Variants in GALNT14 observed in about 807,000 individuals in gnomAD.
GALNT14 encodes UDP-GalNAc:polypeptide N-acetylgalactosaminyltransferase 14.
Under a neutral mutation model 77.5 loss-of-function variants are expected in GALNT14, and 60 were observed. The observed-to-expected ratio is 0.77, with a 90% CI of 0.63 to 0.96. The LOEUF is 0.96. Ranked by LOEUF, GALNT14 falls within the 40% of genes least tolerant of loss-of-function variation. The pLI, the probability that GALNT14 is intolerant of heterozygous loss-of-function variation, is 0.00. For synonymous variants in GALNT14, 280 were observed against 281.7 expected, an observed-to-expected ratio of 0.99 and a Z score of 0.06; for missense variants, 710 against 731.0, an observed-to-expected ratio of 0.97 and a Z score of 0.33.
chr2:31,119,040 C>T (rs1269023057), intron 1 of GALNT14, among the ~76,000 whole-genome samples: 1 of 151,872 alleles, frequency 6.6e-6, no homozygotes, highest in Non-Finnish European at 1.5e-5. Context: ...ACAGTTGAAT[C>T]CCTACCTCAA....
intron 1 of GALNT14, among the ~76,000 whole-genome samples, chr2:31,029,452 T>A (rs1181454263): frequency 1.3e-5 from 2 of 152,200 alleles, no homozygotes; most frequent in Admixed American, 6.5e-5. Context: ...CAATCTCACA[T>A]GAAGACTGAC....
At chr2:31,072,881 A>G (rs1400266459) in intron 1 of GALNT14, among the ~76,000 whole-genome samples, 2 of 152,102 alleles carry the variant, frequency 1.3e-5, no homozygotes, top group South Asian at 2.1e-4. Flanking sequence ...TGAGCCCTGC[A>G]TTTTTTACAC....
chr2:31,069,258 A>G (rs1675191738), intron 1 of GALNT14, among the ~76,000 whole-genome samples: 1 of 152,224 alleles, frequency 6.6e-6, no homozygotes, highest in Non-Finnish European at 1.5e-5. Flanking sequence ...TCTCAGGAAC[A>G]GCATTAAACA....
intron 11 of GALNT14, 139 bp downstream of exon 11, chr2:30,929,256 A>T (rs1433571609): frequency 1.1e-5 from 7 of 614,788 alleles, no homozygotes; most frequent in Non-Finnish European, 2.0e-5. Context: ...TCTGAGGAAT[A>T]GGAAAGAAGC....
rs1330942968 is a variant in GALNT14 at position 30,929,420 on chromosome 2, A to G, written c.1126T>C (p.Phe376Leu). 1 of 1,614,040 alleles carries G rather than the reference A, an allele frequency of 6.2e-7. No individual in the cohort carries two copies. The highest frequency in any genetic ancestry group is 8.5e-7 in the Non-Finnish European group (1 of 1,179,996). ...TTCCCGAAGGGCCTCTCCAGGGCGA[A>G]TGGCCGGGCAGCGTAATAGTATTGC... ...YKQYYYAARP[F>L]ALERPFGNVE... is the part of the protein sequence containing the mutation. Residue 376 changes from phenylalanine (F) to leucine (L), a missense_variant, in exon 11 of 15, where the codon TTC becomes CTC. Coordinates refer to ENST00000349752, the MANE Select transcript of GALNT14 (RefSeq NM_024572.4).
intron 1 of GALNT14, among the ~76,000 whole-genome samples, chr2:31,095,773 A>C (rs1180922809): frequency 6.6e-6 from 1 of 152,216 alleles, no homozygotes; most frequent in African/African-American, 2.4e-5. Flanking sequence ...ACATATGACA[A>C]GAAAAGTCTC....
chr2:31,123,751 GAAC>G (rs2148641914), intron 1 of GALNT14, among the ~76,000 whole-genome samples: 1 of 152,268 alleles, frequency 6.6e-6, no homozygotes, highest in African/African-American at 2.4e-5. Flanking sequence ...CAACCATGCA[GAAC>G]AACGCCTGGT....
rs34671516 is a variant in GALNT14 at position 31,038,747 on chromosome 2, A to ATT, written c.130-45742_130-45741dup. 4.7e-3 allele frequency among the ~76,000 whole-genome samples: 672 copies of ATT among 143,988 alleles called. 6 individuals are homozygous for ATT. Among genetic ancestry groups the ATT allele is most frequent in the African/African-American group, 0.011 (440 of 38,944 alleles). The allele number at this position is 143,988 out of a possible 152,430, so 94.5% of individuals were successfully genotyped here. On this transcript the variant is annotated intron_variant, in intron 1 of 14. Transcript: ENST00000349752. ...TCTTTATTCTTAGTGAGATTCAGCA[A>ATT]TTTTTTTTTTTTTTTTGAGACAGAG... is the stretch of plus-strand genomic sequence containing the variant.
At chr2:30,917,229 T>C (rs1664739153) in intron 13 of GALNT14, among the ~76,000 whole-genome samples, 1 of 151,352 alleles carries the variant, frequency 6.6e-6, no homozygotes, top group Non-Finnish European at 1.5e-5. Context: ...CTCTCCCCAC[T>C]CAGCGGACCT....
intron 1 of GALNT14, among the ~76,000 whole-genome samples, chr2:31,098,247 C>G (rs946964623): frequency 2.0e-5 from 3 of 152,138 alleles, no homozygotes; most frequent in African/African-American, 7.2e-5. Context: ...CTGATTTTAC[C>G]TGCAAAACTC....
chr2:30,909,524 C>A (rs1403738710), downstream of GALNT14, among the ~76,000 whole-genome samples: 4 of 150,430 alleles, frequency 2.7e-5, no homozygotes, highest in Non-Finnish European at 6.0e-5. Context: ...CATCTCACAC[C>A]AGTTAGAATG....
chr2:31,068,115 G>T (rs1426852278), intron 1 of GALNT14, among the ~76,000 whole-genome samples: 5 of 152,158 alleles, frequency 3.3e-5, no homozygotes, highest in Non-Finnish European at 5.9e-5. Flanking sequence ...TGGAAACTCT[G>T]GTCAGAACCC....
chr2:30,898,843 G>A, the GALNT14 span, among the ~76,000 whole-genome samples: 1 of 152,130 alleles, frequency 6.6e-6, no homozygotes, highest in Non-Finnish European at 1.5e-5. Context: ...GACTCTGGAG[G>A]CAAAGAAGAG....
rs1665605843 is a variant in GALNT14 at position 30,929,593 on chromosome 2, T to G, written c.1059-106A>C. 1.2e-5 allele frequency: 9 copies of G among 761,968 alleles called. No homozygotes were observed. In the Admixed American group the frequency reaches 2.0e-4, roughly 17 times the overall value. The allele number at this position is 761,968 out of a possible 1,614,324, so 47.2% of individuals were successfully genotyped here. A position where few individuals can be genotyped will look rare whatever the true frequency, so the allele number is the denominator to read the frequency against. On this transcript the variant is annotated intron_variant, in intron 10 of 14. Coordinates refer to ENST00000349752, the MANE Select transcript of GALNT14 (RefSeq NM_024572.4). Reference sequence around the variant, plus strand: ...TGTGGGCTGAGTTGGCAACACCACCTAGGTGGGGGCCACCATGGTCAACCG... The same window carrying G: ...TGTGGGCTGAGTTGGCAACACCACCGAGGTGGGGGCCACCATGGTCAACCG...
chr2:30,889,301 G>C, the GALNT14 span, among the ~76,000 whole-genome samples: 1 of 152,192 alleles, frequency 6.6e-6, no homozygotes. Context: ...GTGTTTAACT[G>C]AATAGCAGGA....
intron 1 of GALNT14, chr2:31,078,787 C>T (rs1675973197): frequency 3.8e-6 from 2 of 526,156 alleles, no homozygotes; most frequent in Non-Finnish European, 6.0e-6. Flanking sequence ...CAGGCAGCAT[C>T]CGAGAACAGC....
chr2:31,022,150 G>A (rs1671760543), intron 1 of GALNT14, among the ~76,000 whole-genome samples: 1 of 152,202 alleles, frequency 6.6e-6, no homozygotes, highest in Admixed American at 6.5e-5. Flanking sequence ...TTTTGCAAAG[G>A]TGTGTATGGA....
At chr2:30,942,168 A>G (rs1462847389) in intron 9 of GALNT14, 33 bp downstream of exon 9, 1 of 1,494,140 alleles carries the variant, frequency 6.7e-7, no homozygotes, top group African/African-American at 1.4e-5. Flanking sequence ...TGTATAGAAC[A>G]GCATAGGTCA....
chr2:31,078,273 G>A (rs1297458417), intron 1 of GALNT14, among the ~76,000 whole-genome samples: 1 of 152,218 alleles, frequency 6.6e-6, no homozygotes, highest in Admixed American at 6.5e-5. Context: ...AACTTGAATG[G>A]TAATGATCCT....
Sources: gnomAD v4.1 joint callset for allele counts (sites outside exome capture counted in the v4.1 genomes callset) on GRCh38, gnomAD v4.1.1 for gene constraint, MANE v1.5 for transcripts, NCBI Gene and HGNC (gene_info 2026-07-23, HGNC 2026-07-21) for gene names.